Variants in PROSER1 observed in about 807,000 individuals in gnomAD.
PROSER1 encodes proline and serine-rich protein 1.
In PROSER1, 36 loss-of-function variants were observed where a neutral mutation model predicts 71.8. The observed-to-expected ratio is 0.50, with a 90% CI of 0.38 to 0.66. The LOEUF is 0.66. Ranked by LOEUF, PROSER1 falls within the 30% of genes least tolerant of loss-of-function variation. The probability of loss-of-function intolerance (pLI) is 0.00; values close to 1 mark genes in which losing one functional copy is unlikely to be tolerated. For synonymous variants in PROSER1, 490 were observed against 452.4 expected, an observed-to-expected ratio of 1.08 and a Z score of -1.06; for missense variants, 1,107 against 1,135.0, an observed-to-expected ratio of 0.98 and a Z score of 0.35.
At chr13:39,025,721 C>G (rs985183650) in intron 6 of PROSER1, among the ~76,000 whole-genome samples, 14 of 152,130 alleles carry the variant, frequency 9.2e-5, no homozygotes, top group African/African-American at 3.4e-4. Flanking sequence ...TCCAGCTAAG[C>G]GTTCCAATAT....
rs374781117 is a variant in PROSER1 at position 39,011,419 on chromosome 13, C to A, written c.2781G>T (p.Ala927=). 5.6e-6 allele frequency: 9 copies of A among 1,613,918 alleles called. No individual in the cohort carries two copies. Among genetic ancestry groups the A allele is most frequent in the South Asian group, 5.5e-5 (5 of 91,092 alleles). The change falls in exon 13 of 13, where the codon GCG becomes GCT. Residue 927 remains alanine (A), a synonymous_variant. Coordinates refer to ENST00000352251, the MANE Select transcript of PROSER1 (RefSeq NM_025138.5). ...GTTGCAAAGAAAATGGTGTTCCTGG[C>A]GCTGAAGGATAACTAGGAAACCCAT... The part of the protein sequence containing the change: ...QPDGFPSYPS[A]PGTPFSLQPS...
chr13:39,028,976 G>T (rs1870680939), intron 4 of PROSER1: 7 of 187,680 alleles, frequency 3.7e-5, no homozygotes, highest in East Asian at 1.3e-4. Context: ...AAAAATTATT[G>T]TGTCAGTAAG....
At chr13:39,026,536 T>A (rs1870554852) in intron 5 of PROSER1, 149 bp from the exon 6 acceptor site, 1 of 502,350 alleles carries the variant, frequency 2.0e-6, no homozygotes, top group Non-Finnish European at 3.5e-6. Context: ...CAGTGGTGAA[T>A]GTGACCAAAA....
At position 39,024,135 on chromosome 13, in the gene PROSER1, T is replaced by A. The variant is rs535561882; in HGVS notation, c.564+338A>T. Among the ~76,000 whole-genome samples the A allele has an allele frequency of 5.3e-5, 8 of 152,304 alleles. No individual in the cohort carries two copies. In the South Asian group the frequency reaches 8.3e-4, roughly 16 times the overall value. On this transcript the variant is annotated intron_variant, in intron 7 of 12. Transcript: ENST00000352251. ...TTGTAAATACTTTCAACCTGTGACT[T>A]CACTGTGGTTTCACTAACACTAATT...
intron 1 of PROSER1, among the ~76,000 whole-genome samples, chr13:39,036,568 G>C (rs1175857596): frequency 2.0e-5 from 3 of 152,126 alleles, no homozygotes; most frequent in African/African-American, 4.8e-5. Flanking sequence ...CTACCTTCCA[G>C]AATTGTTGCT....
At chr13:39,027,694 T>C (rs1340651128) in intron 5 of PROSER1, among the ~76,000 whole-genome samples, 1 of 152,146 alleles carries the variant, frequency 6.6e-6, no homozygotes, top group East Asian at 1.9e-4. Context: ...AATTAATTAA[T>C]TAATTCAGCT....
In PROSER1 at chr13:39,012,960, G is replaced by A. The variant is rs1463035047; in HGVS notation, c.2292C>T (p.Leu764=). Residue 764 remains leucine, a synonymous_variant, in exon 11 of 13, where the codon CTC becomes CTT. Coordinates refer to ENST00000352251, the MANE Select transcript of PROSER1 (RefSeq NM_025138.5). ...SAPVSAAPFP[L]NLSTAVPSLF... ...GTGAGGGAACAGCAGTGGACAGGTT[G>A]AGGGGGAAAGGTGCTGCTGAGACTG... The A allele has an allele frequency of 6.2e-7, 1 of 1,614,172 alleles. No homozygotes were observed. Among genetic ancestry groups the A allele is most frequent in the Non-Finnish European group, 8.5e-7 (1 of 1,180,028 alleles).
chr13:39,015,775 T>C (rs1452312728), intron 10 of PROSER1, among the ~76,000 whole-genome samples: 1 of 152,234 alleles, frequency 6.6e-6, no homozygotes, highest in Non-Finnish European at 1.5e-5. Flanking sequence ...TTGACCGTAT[T>C]AATGTTGTAA....
rs1052256001 is a variant in PROSER1, at chr13:39,022,605, C to G, written c.644-193G>C. The G allele has an allele frequency of 1.5e-5, 8 of 518,198 alleles. No individual in the cohort carries two copies. The Admixed American group carries it at 2.6e-4, about 17-fold the overall frequency. The allele number at this position is 518,198 out of a possible 1,614,324, so 32.1% of individuals were successfully genotyped here. ...GAAAACTGACACCAAATGAAACAACCAGAGATTCCTATTTCCCACTGCATG... is the reference window on the plus strand; with the variant it reads ...GAAAACTGACACCAAATGAAACAACGAGAGATTCCTATTTCCCACTGCATG... On this transcript the variant is annotated intron_variant, in intron 8 of 12. Coordinates refer to ENST00000352251, the MANE Select transcript of PROSER1 (RefSeq NM_025138.5).
chr13:39,020,333 GTTC>G (rs1870230194), intron 9 of PROSER1, among the ~76,000 whole-genome samples: 2 of 151,940 alleles, frequency 1.3e-5, no homozygotes, highest in Non-Finnish European at 2.9e-5. Context: ...AAAAATGTCA[GTTC>G]TTCTGAAATT....
At chr13:39,036,499 C>T (rs1333682933) in intron 1 of PROSER1, among the ~76,000 whole-genome samples, 1 of 152,090 alleles carries the variant, frequency 6.6e-6, no homozygotes, top group Non-Finnish European at 1.5e-5. Flanking sequence ...CAAGTCCTTA[C>T]ATTTTAAAAT....
chr13:39,013,819 G>T lies in PROSER1; in HGVS notation c.1433C>A (p.Ser478Tyr), dbSNP rs147030300. The change falls in exon 11 of 13, where the codon TCC (serine) becomes TAC (tyrosine). Residue 478 changes from serine (S) to tyrosine (Y), a missense_variant. Coordinates refer to ENST00000352251, the MANE Select transcript of PROSER1 (RefSeq NM_025138.5). ...GGAGTTGATTAAATTGGTGTCATTG[G>T]ATGTCAGAAAACCTTTTAACGCAGA... ...LLSALKGFLT[S>Y]NDTNLINSSA... 1 of 1,614,116 alleles carries T rather than the reference G, an allele frequency of 6.2e-7. No homozygotes were observed. Among genetic ancestry groups the T allele is most frequent in the African/African-American group, 1.3e-5 (1 of 74,936 alleles).
intron 10 of PROSER1, among the ~76,000 whole-genome samples, chr13:39,017,266 C>T (rs1313345041): frequency 1.3e-5 from 2 of 152,178 alleles, no homozygotes; most frequent in Non-Finnish European, 2.9e-5. Context: ...GCAAGTTTTG[C>T]AAATTGTATA....
intron 6 of PROSER1, 82 bp downstream of exon 6, chr13:39,026,195 T>C (rs563592137): frequency 3.2e-5 from 28 of 868,942 alleles, no homozygotes; most frequent in Non-Finnish European, 4.9e-5. Flanking sequence ...TAAAATTCCT[T>C]TCCTTTAAAT....
At chr13:39,024,443 T>C in intron 7 of PROSER1, 30 bp downstream of exon 7, 1 of 1,498,098 alleles carries the variant, frequency 6.7e-7, no homozygotes, top group Non-Finnish European at 9.2e-7. Context: ...GGAAGGAGTT[T>C]GGGCTTGTTT....
At chr13:39,027,897 T>C (rs1455078124) in intron 5 of PROSER1, among the ~76,000 whole-genome samples, 1 of 152,174 alleles carries the variant, frequency 6.6e-6, no homozygotes, top group Non-Finnish European at 1.5e-5. Flanking sequence ...CAAAGCAAAT[T>C]TGAAAAGTTA....
Position 39,031,572 on chromosome 13 carries a change from T to C in PROSER1, c.171A>G (p.Ala57=), listed in dbSNP as rs751846452. ...WAEPQLKAMK[A]LQHKMVAVQP... is the part of the protein sequence containing the mutation. ...AAAATAAGTTACTTACATGCTGTAA[T>C]GCTTTCATTGCCTTCAACTGGGGCT... Residue 57 remains alanine, a synonymous_variant, in exon 3 of 13, where the codon GCA becomes GCG. Coordinates refer to ENST00000352251, the MANE Select transcript of PROSER1 (RefSeq NM_025138.5). The C allele has an allele frequency of 8.1e-6, 13 of 1,609,960 alleles. No homozygotes were observed. Among genetic ancestry groups the C allele is most frequent in the Non-Finnish European group, 1.0e-5 (12 of 1,178,038 alleles).
At chr13:39,015,548 C>T (rs12429338) in intron 10 of PROSER1, among the ~76,000 whole-genome samples, 30,843 of 152,038 alleles carry the variant, frequency 0.2, 3,701 homozygotes, top group African/African-American at 0.33. Context: ...CAAGCTGACA[C>T]GGTCAACGAA....
intron 7 of PROSER1, chr13:39,023,602 T>C (rs1481615790): frequency 1.9e-5 from 3 of 153,854 alleles, no homozygotes; most frequent in Non-Finnish European, 4.3e-5. Flanking sequence ...AAAGCACTGT[T>C]TGCGTTAGCA....
Sources: gnomAD v4.1 joint callset for allele counts (sites outside exome capture counted in the v4.1 genomes callset) on GRCh38, gnomAD v4.1.1 for gene constraint, MANE v1.5 for transcripts, NCBI Gene and HGNC (gene_info 2026-07-23, HGNC 2026-07-21) for gene names.